Variants in CIP2A observed in about 807,000 individuals in gnomAD.
CIP2A encodes the protein protein CIP2A.
Under a neutral mutation model 110.9 loss-of-function variants are expected in CIP2A, and 103 were observed. The observed-to-expected ratio is 0.93, with a 90% CI of 0.79 to 1.09. The LOEUF is 1.09. CIP2A is among the 50% of genes least tolerant of loss of function. CIP2A has a pLI of 0.00. For missense variants in CIP2A, 1,088 were observed against 1,038.4 expected, an observed-to-expected ratio of 1.05 and a Z score of -0.66; for synonymous variants, 381 against 361.6, an observed-to-expected ratio of 1.05 and a Z score of -0.61.
chr3:108,576,009 A>T lies in CIP2A; in HGVS notation c.894+262T>A, dbSNP rs561495511. Among the ~76,000 whole-genome samples, 27 of 151,594 alleles carry T rather than the reference A, an allele frequency of 1.8e-4. No individual in the cohort carries two copies. The East Asian group carries it at 4.7e-3, about 26-fold the overall frequency. On this transcript the variant is annotated intron_variant, in intron 8 of 20. Coordinates refer to ENST00000295746, the MANE Select transcript of CIP2A (RefSeq NM_020890.3). ...GCTGTTAGAAGTCAGTATAGTGGTT[A>T]TAGCAGTTTACCAAGCAGTCATCCT...
At chr3:108,578,982 T>TA (rs1295034307) in intron 7 of CIP2A, among the ~76,000 whole-genome samples, 1 of 152,190 alleles carries the variant, frequency 6.6e-6, no homozygotes, top group Non-Finnish European at 1.5e-5. Flanking sequence ...TAATGCTACT[T>TA]ACGTTTTAAA....
At chr3:108,563,771 GGGACCAGA>G (rs1938088535) in intron 12 of CIP2A, among the ~76,000 whole-genome samples, 3 of 152,078 alleles carry the variant, frequency 2.0e-5, no homozygotes, top group African/African-American at 7.2e-5. Context: ...TAAAATGTCT[GGGACCAGA>G]AGTGTTTCAA....
intron 2 of CIP2A, among the ~76,000 whole-genome samples, chr3:108,583,510 T>C (rs1938951980): frequency 6.6e-6 from 1 of 152,168 alleles, no homozygotes; most frequent in Non-Finnish European, 1.5e-5. Context: ...AAATATTGCA[T>C]GTATTCATTC....
intron 12 of CIP2A, among the ~76,000 whole-genome samples, chr3:108,564,586 T>C (rs1036341249): frequency 2.6e-5 from 4 of 151,760 alleles, no homozygotes; most frequent in Non-Finnish European, 5.9e-5. Context: ...ATGGGCCAGT[T>C]TTCCAAAAAA....
chr3:108,568,182 T>C lies in CIP2A; in HGVS notation c.1246A>G (p.Ile416Val). 1 of 1,612,070 alleles carries C rather than the reference T, an allele frequency of 6.2e-7. No homozygotes were observed. The highest frequency in any genetic ancestry group is 1.1e-5 in the South Asian group (1 of 90,978). The change falls in exon 10 of 21, where the codon ATT becomes GTT. Residue 416 changes from isoleucine (I) to valine (V), a missense_variant. Ile to Val is a conservative substitution (Grantham distance 29). Coordinates refer to ENST00000295746, the MANE Select transcript of CIP2A (RefSeq NM_020890.3). ...EALTRKKCER[I>V]AKAIEVLLTL... ...AACAAAACTTCAATGGCCTTGGCAA[T>C]CCTTTCACATTTTTTTCTTGTTAAA...
In CIP2A at chr3:108,579,355, A is replaced by G; in HGVS notation, c.744T>C (p.Thr248=). 6.2e-7 allele frequency: 1 copy of G among 1,604,558 alleles called. No individual in the cohort carries two copies. Among genetic ancestry groups the G allele is most frequent in the Non-Finnish European group, 8.5e-7 (1 of 1,171,622 alleles). Residue 248 remains threonine, a synonymous_variant, in exon 7 of 21, where the codon ACT becomes ACC. Transcript: ENST00000295746. ...GGTCAACTGAATACTTTCTAGTTAG[A>G]GTGCCATCACCGTTTATGAGAATAT... ...IFNILINGDG[T]LTRKYSVDLL...
chr3:108,582,330 T>C (rs1026989629), intron 3 of CIP2A, 128 bp from the exon 4 acceptor site: 2 of 431,538 alleles, frequency 4.6e-6, no homozygotes, highest in East Asian at 3.6e-5. Flanking sequence ...AAAAAACACA[T>C]GTAAAGTAAT....
chr3:108,573,526 C>A (rs1938468129), intron 8 of CIP2A, among the ~76,000 whole-genome samples: 1 of 151,868 alleles, frequency 6.6e-6, no homozygotes, highest in East Asian at 1.9e-4. Context: ...CCCTGTGCTA[C>A]CTGACCTCCT....
chr3:108,586,604 C>G (rs1344549671), intron 1 of CIP2A, among the ~76,000 whole-genome samples: 3 of 152,172 alleles, frequency 2.0e-5, no homozygotes, highest in Non-Finnish European at 4.4e-5. Context: ...AGGCATCGAT[C>G]TAGGCACTTT....
chr3:108,581,292 G>A (rs868209738), intron 5 of CIP2A, 123 bp downstream of exon 5: 12 of 661,710 alleles, frequency 1.8e-5, no homozygotes, highest in Middle Eastern at 4.0e-4. Context: ...ATTTTGATGG[G>A]TCATCCGATA....
Position 108,589,369 on chromosome 3 carries a change from A to G in CIP2A, c.7T>C (p.Ser3Pro), listed in dbSNP as rs756593907. 3 of 1,612,668 alleles carry G rather than the reference A, an allele frequency of 1.9e-6. No individual in the cohort carries two copies. The highest frequency in any genetic ancestry group is 1.7e-5 in the Admixed American group (1 of 59,896). The change falls in exon 1 of 21, where the codon TCC becomes CCC. Residue 3 changes from serine to proline, a missense_variant. Transcript: ENST00000295746. MDSTACLKSLLLT... is the reference protein window; with the variant it reads MDPTACLKSLLLT... ...AGCAAGGACTTCAAGCAGGCAGTGG[A>G]GTCCATTGCACCGGCCGCGGCCCGG...
rs1357435974 is a variant in CIP2A at position 108,566,568 on chromosome 3, AAG to A, written c.1342_1343del (p.Leu448TyrfsTer11). 1.9e-6 allele frequency: 3 copies of A among 1,607,532 alleles called. No homozygotes were observed. In the East Asian group the frequency reaches 6.7e-5, roughly 36 times the overall value. On this transcript the variant is annotated frameshift_variant, in exon 11 of 21. Coordinates refer to ENST00000295746, the MANE Select transcript of CIP2A (RefSeq NM_020890.3). LOFTEE classifies it high-confidence loss of function. ...KILTTVKCTT[L>X]IEQQFTYGKI... ...TGCCATATGTAAATTGTTGTTCTATAAGAGTGGTACACTTGACAGTTGTCAAG... is the reference window on the plus strand; with the variant it reads ...TGCCATATGTAAATTGTTGTTCTATAAGTGGTACACTTGACAGTTGTCAAG...
At chr3:108,586,844 A>T (rs954333044) in intron 1 of CIP2A, among the ~76,000 whole-genome samples, 5 of 152,182 alleles carry the variant, frequency 3.3e-5, no homozygotes, top group Non-Finnish European at 5.9e-5. Context: ...GTCATCAAAC[A>T]TTCAAAGCCT....
At chr3:108,582,820 T>C (rs925250695) in intron 3 of CIP2A, among the ~76,000 whole-genome samples, 157 bp downstream of exon 3, 1 of 152,218 alleles carries the variant, frequency 6.6e-6, no homozygotes, top group African/African-American at 2.4e-5. Context: ...ATTTAAATTG[T>C]ATGTGTGCAA....
Position 108,551,157 on chromosome 3 carries a change from T to A in CIP2A, c.2710A>T (p.Ser904Cys). ...CCAAAATGCCATAATGTCTATATAC[T>A]GAGATTCACAGTTTCTGGATTTATT... ...GKINPETVNL[S>C]I Residue 904 changes from serine (S) to cysteine (C), a missense_variant, in exon 21 of 21, where the codon AGT becomes TGT. Physicochemically the swap from Ser to Cys is moderately radical, Grantham distance 112. Transcript: ENST00000295746. The A allele has an allele frequency of 1.4e-6, 2 of 1,425,220 alleles. No individual in the cohort carries two copies. Among genetic ancestry groups the A allele is most frequent in the Non-Finnish European group, 1.9e-6 (2 of 1,061,254 alleles). 88.3% of individuals were successfully genotyped at this position (1,425,220 alleles called of 1,614,324 possible). A position where few individuals can be genotyped will look rare whatever the true frequency, so the allele number is the denominator to read the frequency against.
intron 16 of CIP2A, among the ~76,000 whole-genome samples, chr3:108,558,239 G>A (rs1465962070): frequency 6.6e-6 from 1 of 151,866 alleles, no homozygotes; most frequent in African/African-American, 2.4e-5. Context: ...ATGAAACCAT[G>A]TTAAAATAAG....
rs541437502 is a variant in CIP2A at position 108,587,298 on chromosome 3, T to C, written c.102+1976A>G. Among the ~76,000 whole-genome samples the C allele has an allele frequency of 6.6e-5, 10 of 152,240 alleles. No individual in the cohort carries two copies. In the East Asian group the frequency reaches 1.5e-3, roughly 24 times the overall value. ...AAATGCCTATCAACAGGAAAGTGTA[T>C]GTAAACTGTGGTACACTTATACAAT... On this transcript the variant is annotated intron_variant, in intron 1 of 20. Transcript: ENST00000295746.
chr3:108,554,806 G>T (rs1937729849), intron 17 of CIP2A, among the ~76,000 whole-genome samples: 1 of 152,076 alleles, frequency 6.6e-6, no homozygotes, highest in Non-Finnish European at 1.5e-5. Context: ...TAAGTTTAGG[G>T]TTCTACATTT....
chr3:108,566,706 G>A, intron 10 of CIP2A, 68 bp from the exon 11 acceptor site: 3 of 977,522 alleles, frequency 3.1e-6, no homozygotes, highest in South Asian at 3.6e-5. Context: ...CATTCAGGAT[G>A]ATTTCATACA....
Sources: gnomAD v4.1 joint callset for allele counts (sites outside exome capture counted in the v4.1 genomes callset) on GRCh38, gnomAD v4.1.1 for gene constraint, MANE v1.5 for transcripts, NCBI Gene and HGNC (gene_info 2026-07-23, HGNC 2026-07-21) for gene names.